The following GSTA4 variants were observed in gnomAD, a reference collection of about 807,000 sequenced individuals.
GSTA4 encodes the protein glutathione S-transferase A4.
Under a neutral mutation model 24.4 loss-of-function variants are expected in GSTA4, and 15 were observed. That is an observed-to-expected ratio of 0.61 (90% confidence interval 0.41 to 0.95). GSTA4 has a LOEUF of 0.95. Ranked by LOEUF, GSTA4 falls within the 40% of genes least tolerant of loss-of-function variation. GSTA4 has a pLI of 0.00. For synonymous variants in GSTA4, 92 were observed against 94.2 expected (o/e 0.98, Z 0.13); for missense variants, 244 against 262.1 (o/e 0.93, Z 0.48).
chr6:52,978,046 C>A lies in GSTA4; in HGVS notation c.*424G>T. 1 of 158,174 alleles carries A rather than the reference C, an allele frequency of 6.3e-6. No individual in the cohort carries two copies. Among genetic ancestry groups the A allele is most frequent in the Non-Finnish European group, 1.4e-5 (1 of 72,578 alleles). The allele number at this position is 158,174 out of a possible 1,614,324, so 9.8% of individuals were successfully genotyped here. ...GCTCAGAGGAGAGTCATTTACTAGACATTCGGTTGTTATTAAACACTAAAA... is the reference window on the plus strand; with the variant it reads ...GCTCAGAGGAGAGTCATTTACTAGAAATTCGGTTGTTATTAAACACTAAAA... On this transcript the variant is annotated 3_prime_UTR_variant, in exon 7 of 7. Transcript: ENST00000370963.
chr6:52,994,383 G>A (rs1561988423), intron 1 of GSTA4, 122 bp from the exon 2 acceptor site: 4 of 532,536 alleles, frequency 7.5e-6, no homozygotes, highest in Non-Finnish European at 1.3e-5. Flanking sequence ...CTTTATTTTT[G>A]TTGCTGCATT....
intron 2 of GSTA4, 25 bp from the exon 3 acceptor site, chr6:52,987,433 T>C (rs913543804): frequency 7.5e-6 from 9 of 1,207,672 alleles, no homozygotes; most frequent in Non-Finnish European, 1.1e-5. Flanking sequence ...AAGAAACGTA[T>C]ATATACATAG....
Position 52,985,471 on chromosome 6 carries a change from C to G in GSTA4, c.252G>C (p.Lys84Asn). The G allele has an allele frequency of 1.9e-6, 3 of 1,614,094 alleles. No homozygotes were observed. The highest frequency in any genetic ancestry group is 2.5e-6 in the Non-Finnish European group (3 of 1,179,974). The part of the protein sequence containing the change: ...YIADKHNLFG[K>N]NLKERTLIDM... ...AGTACAGGGTTCTCTCCTTGAGGTT[C>G]TTGCCAAAGAGATTGTGCTTGTCTG... The change falls in exon 4 of 7, where the codon AAG becomes AAC. Residue 84 changes from lysine (K) to asparagine (N), a missense_variant. By Grantham distance (94) the Lys-to-Asn change is moderately conservative. Coordinates refer to ENST00000370963, the MANE Select transcript of GSTA4 (RefSeq NM_001512.4).
chr6:52,982,150 A>G (rs1259397782), intron 6 of GSTA4, among the ~76,000 whole-genome samples: 1 of 152,186 alleles, frequency 6.6e-6, no homozygotes, highest in African/African-American at 2.4e-5. Context: ...GGTTATTTCT[A>G]TGGAAAGTCC....
chr6:52,993,406 AAAAC>A (rs747097575), intron 2 of GSTA4, among the ~76,000 whole-genome samples: 30 of 152,350 alleles, frequency 2.0e-4, no homozygotes, highest in South Asian at 6.2e-4. Flanking sequence ...ACAAACTATA[AAAAC>A]AAACAAACAA....
At chr6:52,986,666 A>G (rs765863858) in intron 3 of GSTA4, among the ~76,000 whole-genome samples, 10 of 152,140 alleles carry the variant, frequency 6.6e-5, no homozygotes, top group Non-Finnish European at 1.3e-4. Context: ...CAAGAGGAGT[A>G]CTTAGCACAT....
chr6:52,990,109 G>C (rs1271805461), intron 2 of GSTA4, among the ~76,000 whole-genome samples: 1 of 152,134 alleles, frequency 6.6e-6, no homozygotes, highest in Non-Finnish European at 1.5e-5. Context: ...AAGGGGATTT[G>C]CCTGGGTTTT....
chr6:52,984,515 C>T lies in GSTA4; in HGVS notation c.363G>A (p.Val121=). ...TTATAGCCTTCTGGGCCATGTTAACCACTTCCTTTTGCTGATCATCTGGTT... is the reference window on the plus strand; with the variant it reads ...TTATAGCCTTCTGGGCCATGTTAACTACTTCCTTTTGCTGATCATCTGGTT... ...FLKPDDQQKE[V]VNMAQKAIIR... Residue 121 remains valine (V), a synonymous_variant, in exon 5 of 7, where the codon GTG becomes GTA. Coordinates refer to ENST00000370963, the MANE Select transcript of GSTA4 (RefSeq NM_001512.4). 6.2e-7 allele frequency: 1 copy of T among 1,613,784 alleles called. No homozygotes were observed. The highest frequency in any genetic ancestry group is 8.5e-7 in the Non-Finnish European group (1 of 1,179,790).
chr6:52,987,534 C>T (rs1763586068), intron 2 of GSTA4, 126 bp from the exon 3 acceptor site: 3 of 595,476 alleles, frequency 5.0e-6, no homozygotes, highest in Admixed American at 3.1e-5. Context: ...GTGAAATAAG[C>T]CAGGCACAGA....
At chr6:52,983,005 T>A (rs1763483886) in intron 5 of GSTA4, among the ~76,000 whole-genome samples, 1 of 152,026 alleles carries the variant, frequency 6.6e-6, no homozygotes, top group Admixed American at 6.6e-5. Context: ...GAAGGGAAAA[T>A]TCCTTATTTC....
In GSTA4 at chr6:52,984,478, G is replaced by C. The variant is rs868073772; in HGVS notation, c.400C>G (p.Pro134Ala). 6.2e-7 allele frequency: 1 copy of C among 1,612,396 alleles called. No individual in the cohort carries two copies. Among genetic ancestry groups the C allele is most frequent in the Admixed American group, 1.7e-5 (1 of 59,446 alleles). ...CTGCCACCTACCTTTTCAAACACAGGAAAGTATCTAATTATAGCCTTCTGG... is the reference window on the plus strand; with the variant it reads ...CTGCCACCTACCTTTTCAAACACAGCAAAGTATCTAATTATAGCCTTCTGG... ...MAQKAIIRYFPVFEKILRGHG... is the reference protein window; with the variant it reads ...MAQKAIIRYFAVFEKILRGHG... Residue 134 changes from proline to alanine, a missense_variant, in exon 5 of 7, where the codon CCT (proline) becomes GCT (alanine). Coordinates refer to ENST00000370963, the MANE Select transcript of GSTA4 (RefSeq NM_001512.4).
chr6:52,980,573 G>C (rs1020082344), intron 6 of GSTA4, among the ~76,000 whole-genome samples: 1 of 152,036 alleles, frequency 6.6e-6, no homozygotes, highest in Non-Finnish European at 1.5e-5. Context: ...CAAAGTGCTG[G>C]GATTACAGGT....
intron 3 of GSTA4, among the ~76,000 whole-genome samples, chr6:52,986,796 G>A (rs1232213372): frequency 6.6e-6 from 1 of 152,190 alleles, no homozygotes. Context: ...TGGGAGGGAG[G>A]CTGCTCACAG....
chr6:52,987,633 G>A (rs1033483702), intron 2 of GSTA4: 2 of 468,200 alleles, frequency 4.3e-6, no homozygotes, highest in African/African-American at 4.0e-5. Context: ...CTTACTAGAG[G>A]CTGGGAAGTG....
chr6:52,986,683 T>C lies in GSTA4; in HGVS notation c.139+674A>G, dbSNP rs549085508. Among the ~76,000 whole-genome samples the C allele has an allele frequency of 4.9e-4, 75 of 152,306 alleles. 1 individual carries two copies. In the South Asian group the frequency reaches 0.015, roughly 31 times the overall value. On this transcript the variant is annotated intron_variant, in intron 3 of 6. Coordinates refer to ENST00000370963, the MANE Select transcript of GSTA4 (RefSeq NM_001512.4). ...AGAGGAGTACTTAGCACATGCCTAG[T>C]GGCTTCCAGCCACCGTCACACACAA...
chr6:52,984,441 A>G (rs532073012), intron 5 of GSTA4, 23 bp downstream of exon 5: 145 of 1,606,946 alleles, frequency 9.0e-5, no homozygotes, highest in Non-Finnish European at 1.2e-4. Flanking sequence ...TGCTCTGTGT[A>G]TGTAGGCATC....
At chr6:52,995,193 A>G (rs1400642741) in intron 1 of GSTA4, 56 bp downstream of exon 1, 2 of 152,264 alleles carry the variant, frequency 1.3e-5, no homozygotes, top group Non-Finnish European at 2.9e-5. Context: ...AAGGGGAGGG[A>G]AAAAAAAGAA....
intron 2 of GSTA4, among the ~76,000 whole-genome samples, chr6:52,990,172 G>C (rs1174735082): frequency 6.6e-6 from 1 of 152,154 alleles, no homozygotes; most frequent in African/African-American, 2.4e-5. Context: ...AACCAACATA[G>C]AGCAATGTCA....
Position 52,986,195 on chromosome 6 carries a change from T to C in GSTA4, c.140-612A>G, listed in dbSNP as rs45537043. On this transcript the variant is annotated intron_variant, in intron 3 of 6. Coordinates refer to ENST00000370963, the MANE Select transcript of GSTA4 (RefSeq NM_001512.4). ...AGTGCTACACTGGCCAATACAGCAG[T>C]CACCAGCTACACGCAGCTATGTAAA... Among the ~76,000 whole-genome samples the C allele has an allele frequency of 6.3e-3, 966 of 152,324 alleles. 12 individuals are homozygous for C. Among genetic ancestry groups the C allele is most frequent in the African/African-American group, 0.021 (880 of 41,576 alleles).
Sources: gnomAD v4.1 joint callset for allele counts (sites outside exome capture counted in the v4.1 genomes callset) on GRCh38, gnomAD v4.1.1 for gene constraint, MANE v1.5 for transcripts, NCBI Gene and HGNC (gene_info 2026-07-23, HGNC 2026-07-21) for gene names.